The following DNM3 variants were observed in gnomAD, a reference collection of about 807,000 sequenced individuals.
DNM3 encodes dynamin 3, also known as dynamin-3.
In DNM3, 47 loss-of-function variants were observed where a neutral mutation model predicts 101.6. The observed-to-expected ratio is 0.46, with a 90% CI of 0.37 to 0.59. DNM3 has a LOEUF of 0.59. Among genes scored for constraint, DNM3 ranks in the 20% least tolerant of loss-of-function variants. The probability of loss-of-function intolerance (pLI) is 0.00; values close to 1 mark genes in which losing one functional copy is unlikely to be tolerated. For missense variants in DNM3, 849 were observed against 1,085.7 expected (o/e 0.78, Z 3.06); for synonymous variants, 385 against 387.9 (o/e 0.99, Z 0.09).
Position 172,082,282 on chromosome 1 carries a change from A to G in DNM3, c.1493+380A>G, listed in dbSNP as rs74123793. ...TGAAATACCACATGTAATTTACAGG[A>G]TGAAAGATGTTTCAACTTTTCTAAG... On this transcript the variant is annotated intron_variant, in intron 12 of 20. Transcript: ENST00000627582. Among the ~76,000 whole-genome samples, 763 of 151,806 alleles carry G rather than the reference A, an allele frequency of 5.0e-3. 7 individuals carry two copies. Among genetic ancestry groups the G allele is most frequent in the African/African-American group, 0.017 (717 of 41,392 alleles).
rs1465412032 is a variant in DNM3, at chr1:171,969,312, G to A, written c.236-18344G>A. Among the ~76,000 whole-genome samples, 5 of 152,348 alleles carry A rather than the reference G, an allele frequency of 3.3e-5. No individual in the cohort carries two copies. In the East Asian group the frequency reaches 9.6e-4, roughly 29 times the overall value. On this transcript the variant is annotated intron_variant, in intron 2 of 20. Coordinates refer to ENST00000627582, the MANE Select transcript of DNM3 (RefSeq NM_015569.5). ...TACCCTCTTCACTGGGTTAAGAGAA[G>A]TAGAGGTGTAGGAGTAATTGGTTTT... is the stretch of plus-strand genomic sequence containing the variant.
At chr1:172,073,623 G>A (rs1362183782) in intron 11 of DNM3, among the ~76,000 whole-genome samples, 1 of 152,160 alleles carries the variant, frequency 6.6e-6, no homozygotes, top group Non-Finnish European at 1.5e-5. Flanking sequence ...TCTATGAACT[G>A]TTGCCATGAG....
chr1:171,957,229 G>A (rs1396632893), intron 2 of DNM3, among the ~76,000 whole-genome samples: 30 of 138,586 alleles, frequency 2.2e-4, no homozygotes, highest in South Asian at 4.6e-4. Flanking sequence ...ACGGAGTCTC[G>A]CACTGTCACC....
intron 3 of DNM3, among the ~76,000 whole-genome samples, chr1:171,988,478 C>A (rs61082894): frequency 3.9e-5 from 6 of 151,900 alleles, no homozygotes; most frequent in African/African-American, 1.2e-4. Flanking sequence ...TTCAGTAAAC[C>A]CAGGGCACCA....
chr1:172,415,386 C>A (rs2149144264), downstream of DNM3: 1 of 152,316 alleles, frequency 6.6e-6, no homozygotes, highest in Non-Finnish European at 1.5e-5. Flanking sequence ...TAAGATTAAT[C>A]ATCAGAGAAG....
chr1:172,023,026 T>C (rs542185043), intron 4 of DNM3, among the ~76,000 whole-genome samples: 6 of 152,288 alleles, frequency 3.9e-5, no homozygotes, highest in African/African-American at 1.4e-4. Context: ...GTTTGGTTTG[T>C]TTGCATAGTT....
intron 1 of DNM3, among the ~76,000 whole-genome samples, chr1:171,917,487 G>A (rs2039810683): frequency 6.6e-6 from 1 of 152,204 alleles, no homozygotes; most frequent in African/African-American, 2.4e-5. Flanking sequence ...AGGAAGCCAT[G>A]AAAGAGCATT....
intron 17 of DNM3, among the ~76,000 whole-genome samples, chr1:172,345,136 A>T (rs1036870950): frequency 4.6e-5 from 7 of 152,222 alleles, no homozygotes; most frequent in Non-Finnish European, 8.8e-5. Context: ...AATTATAATC[A>T]TAGAGGGAAT....
intron 14 of DNM3, among the ~76,000 whole-genome samples, chr1:172,164,319 G>A (rs2058671130): frequency 6.7e-6 from 1 of 149,004 alleles, no homozygotes; most frequent in African/African-American, 2.5e-5. Context: ...CTGTGTTCAG[G>A]TTAGGGTGCT....
intron 18 of DNM3, among the ~76,000 whole-genome samples, chr1:172,385,050 T>C (rs1354622656): frequency 6.6e-6 from 1 of 152,242 alleles, no homozygotes; most frequent in African/African-American, 2.4e-5. Context: ...ATTCTCCTAC[T>C]CATCCAAATG....
intron 9 of DNM3, among the ~76,000 whole-genome samples, chr1:172,048,074 C>T (rs1558481769): frequency 1.3e-5 from 2 of 152,002 alleles, no homozygotes; most frequent in African/African-American, 2.4e-5. Context: ...TAATTAGAGC[C>T]CAAAGGAAGA....
chr1:172,241,098 T>A lies in DNM3; in HGVS notation c.1660-12475T>A, dbSNP rs2061731020. On this transcript the variant is annotated intron_variant, in intron 14 of 20. Coordinates refer to ENST00000627582, the MANE Select transcript of DNM3 (RefSeq NM_015569.5). ...GAACATGCAAACCACCAGGATTTTT[T>A]TTTCTGTTCTACTATTTTCTGTTGC... Among the ~76,000 whole-genome samples, 4 of 152,092 alleles carry A rather than the reference T, an allele frequency of 2.6e-5. No individual in the cohort carries two copies. In the South Asian group the frequency reaches 8.3e-4, roughly 32 times the overall value.
intron 13 of DNM3, among the ~76,000 whole-genome samples, chr1:172,122,250 T>A (rs1303621393): frequency 6.6e-6 from 1 of 152,142 alleles, no homozygotes; most frequent in Non-Finnish European, 1.5e-5. Flanking sequence ...ATATTACAAT[T>A]TTTTCCCTGT....
At chr1:172,378,031 CT>C (rs2068702422) in intron 17 of DNM3, 1 of 152,050 alleles carries the variant, frequency 6.6e-6, no homozygotes, top group African/African-American at 2.4e-5. Context: ...AAGAAAAGCA[CT>C]TCGTGTCTAC....
chr1:172,270,084 A>G (rs1348614731), intron 15 of DNM3, among the ~76,000 whole-genome samples: 1 of 152,216 alleles, frequency 6.6e-6, no homozygotes, highest in Non-Finnish European at 1.5e-5. Flanking sequence ...ATAGTAGAAT[A>G]AACATAAAAA....
chr1:172,374,434 G>A (rs2068499350), intron 17 of DNM3, among the ~76,000 whole-genome samples: 1 of 151,964 alleles, frequency 6.6e-6, no homozygotes, highest in South Asian at 2.1e-4. Flanking sequence ...GATTATAGCT[G>A]CTTTTTTAAC....
At chr1:172,061,478 G>A (rs1280563796) in intron 10 of DNM3, among the ~76,000 whole-genome samples, 4 of 151,182 alleles carry the variant, frequency 2.6e-5, no homozygotes, top group Non-Finnish European at 4.4e-5. Context: ...ACTGGATTAA[G>A]AAAATGTGGC....
chr1:172,324,007 T>C (rs2065838824), intron 17 of DNM3, among the ~76,000 whole-genome samples: 1 of 152,188 alleles, frequency 6.6e-6, no homozygotes, highest in Non-Finnish European at 1.5e-5. Flanking sequence ...TTAATGTTGT[T>C]GTTATAATAG....
downstream of DNM3, among the ~76,000 whole-genome samples, chr1:172,415,705 T>C (rs1209303123): frequency 6.6e-6 from 1 of 151,976 alleles, no homozygotes; most frequent in Non-Finnish European, 1.5e-5. Flanking sequence ...AATTTTTGCA[T>C]TTTTAGTAGA....
Sources: allele counts gnomAD v4.1 joint callset (sites outside exome capture counted in the v4.1 genomes callset), GRCh38; gene constraint gnomAD v4.1.1; transcripts MANE v1.5; gene names NCBI Gene and HGNC (gene_info 2026-07-23, HGNC 2026-07-21).